The following CSMD1 variants were observed in gnomAD, a reference collection of about 807,000 sequenced individuals.
The protein encoded by CSMD1 is CUB and sushi domain-containing protein 1.
CSMD1 carries 213 observed loss-of-function variants against 417.5 expected under a neutral mutation model. The ratio of observed to expected loss-of-function variants is 0.51; its 90% confidence interval spans 0.46 to 0.57. CSMD1 has a LOEUF of 0.57. Ranked by LOEUF, CSMD1 falls within the 20% of genes least tolerant of loss-of-function variation. The pLI, the probability that CSMD1 is intolerant of heterozygous loss-of-function variation, is 0.00. For missense variants in CSMD1, 6,923 were observed against 4,529.7 expected, an observed-to-expected ratio of 1.53 and a Z score of -15.17; for synonymous variants, 2,862 against 1,736.8, an observed-to-expected ratio of 1.65 and a Z score of -16.11.
At chr8:4,934,217 C>T (rs1379750037) in intron 1 of CSMD1, among the ~76,000 whole-genome samples, 1 of 152,176 alleles carries the variant, frequency 6.6e-6, no homozygotes, top group Non-Finnish European at 1.5e-5. Context: ...GCTCCTCCAA[C>T]ATTTTTATCC....
At chr8:4,668,667 T>C (rs575141452) in intron 1 of CSMD1, among the ~76,000 whole-genome samples, 21 of 151,934 alleles carry the variant, frequency 1.4e-4, no homozygotes, top group African/African-American at 5.1e-4. Flanking sequence ...AGCCAGGATG[T>C]TCTCGATTTC....
rs1813817914 is a variant in CSMD1 at position 3,980,979 on chromosome 8, C to T, written c.818+16924G>A. ...AGAGTAGGGGCCCTGCTCACCTTTC[C>T]CCACCTTTGTACCCACACCCAGAGG... On this transcript the variant is annotated intron_variant, in intron 5 of 69. Coordinates refer to ENST00000635120, the MANE Select transcript of CSMD1 (RefSeq NM_033225.6). Among the ~76,000 whole-genome samples, 3 of 152,170 alleles carry T rather than the reference C, an allele frequency of 2.0e-5. No individual in the cohort carries two copies. The South Asian group carries it at 6.2e-4, about 32-fold the overall frequency.
intron 3 of CSMD1, among the ~76,000 whole-genome samples, chr8:4,217,855 G>A (rs539959983): frequency 6.6e-6 from 1 of 152,120 alleles, no homozygotes; most frequent in East Asian, 1.9e-4. Context: ...AATGTGAAAA[G>A]GTGAGCCAGA....
In CSMD1 at chr8:3,142,097, G is replaced by C. The variant is rs976459327; in HGVS notation, c.6241+368C>G. Reference sequence around the variant, plus strand: ...CAGGCGTGAGCCACCGCGCCCGGCCGCCAAATTATCTTTAAAAACTTGAAT... The same window carrying C: ...CAGGCGTGAGCCACCGCGCCCGGCCCCCAAATTATCTTTAAAAACTTGAAT... On this transcript the variant is annotated intron_variant, in intron 41 of 69. Transcript: ENST00000635120. 5.9e-5 allele frequency among the ~76,000 whole-genome samples: 9 copies of C among 152,036 alleles called. No individual in the cohort carries two copies. In the South Asian group the frequency reaches 1.9e-3, roughly 32 times the overall value.
At chr8:4,407,988 G>C (rs188484622) in intron 3 of CSMD1, among the ~76,000 whole-genome samples, 1 of 152,102 alleles carries the variant, frequency 6.6e-6, no homozygotes, top group Non-Finnish European at 1.5e-5. Flanking sequence ...AATCACAGGA[G>C]AAAACTGCAA....
At chr8:3,244,831 C>T (rs1418951503) in intron 26 of CSMD1, among the ~76,000 whole-genome samples, 1 of 152,220 alleles carries the variant, frequency 6.6e-6, no homozygotes, top group Non-Finnish European at 1.5e-5. Context: ...GATCCGTCTT[C>T]AGCAGGGACA....
intron 3 of CSMD1, among the ~76,000 whole-genome samples, chr8:4,041,154 C>T (rs976004505): frequency 1.2e-4 from 18 of 151,486 alleles, no homozygotes; most frequent in African/African-American, 2.2e-4. Flanking sequence ...GTAGCTGGGA[C>T]TACAGGCGCC....
chr8:4,874,268 T>A (rs1173191504), intron 1 of CSMD1, among the ~76,000 whole-genome samples: 1 of 152,126 alleles, frequency 6.6e-6, no homozygotes, highest in African/African-American at 2.4e-5. Context: ...GGATACTGCC[T>A]AAAATCGCAT....
At chr8:4,380,861 T>A (rs542719268) in intron 3 of CSMD1, among the ~76,000 whole-genome samples, 1 of 152,196 alleles carries the variant, frequency 6.6e-6, no homozygotes. Context: ...ATTTTATTAG[T>A]ATATTACTAT....
intron 5 of CSMD1, among the ~76,000 whole-genome samples, chr8:3,858,576 G>C (rs1021695597): frequency 6.6e-6 from 1 of 152,130 alleles, no homozygotes; most frequent in Non-Finnish European, 1.5e-5. Flanking sequence ...ACTTTCACGA[G>C]TAGTCTTAAA....
At chr8:3,504,646 C>A (rs1325185725) in intron 10 of CSMD1, among the ~76,000 whole-genome samples, 1 of 152,210 alleles carries the variant, frequency 6.6e-6, no homozygotes, top group Non-Finnish European at 1.5e-5. Flanking sequence ...TCTGCAATTT[C>A]TAACTCCAAT....
At chr8:4,841,208 G>T (rs1475412808) in intron 1 of CSMD1, among the ~76,000 whole-genome samples, 2 of 152,312 alleles carry the variant, frequency 1.3e-5, no homozygotes, top group Middle Eastern at 3.4e-3. Flanking sequence ...ACATTATGTT[G>T]ATATATCTAG....
At chr8:3,524,084 C>T in intron 10 of CSMD1, among the ~76,000 whole-genome samples, 1 of 151,528 alleles carries the variant, frequency 6.6e-6, no homozygotes, top group South Asian at 2.1e-4. Context: ...CACATGCACA[C>T]ACGCATGCAC....
At chr8:3,657,377 A>G (rs1798182108) in intron 7 of CSMD1, among the ~76,000 whole-genome samples, 1 of 152,210 alleles carries the variant, frequency 6.6e-6, no homozygotes, top group Non-Finnish European at 1.5e-5. Context: ...CAATGAAACT[A>G]TAAAACTGTA....
At chr8:4,827,628 T>C (rs1799912194) in intron 1 of CSMD1, among the ~76,000 whole-genome samples, 1 of 152,158 alleles carries the variant, frequency 6.6e-6, no homozygotes, top group Admixed American at 6.5e-5. Flanking sequence ...ATTGAATAGG[T>C]AAGTCTTTAG....
chr8:4,233,766 A>G (rs1234420788), intron 3 of CSMD1, among the ~76,000 whole-genome samples: 1 of 152,204 alleles, frequency 6.6e-6, no homozygotes, highest in Non-Finnish European at 1.5e-5. Flanking sequence ...GAAATGCACA[A>G]ATAATATCTG....
At chr8:3,188,072 ATATACATATGTATATG>A (rs1176769238) in intron 35 of CSMD1, 107 bp from the exon 36 acceptor site, 3 of 448,150 alleles carry the variant, frequency 6.7e-6, no homozygotes, top group Admixed American at 3.8e-5. Context: ...ATGTATATAT[ATATACATATGTATATG>A]TATATATATA....
chr8:3,631,460 G>C (rs985563803), intron 7 of CSMD1, among the ~76,000 whole-genome samples: 5 of 152,322 alleles, frequency 3.3e-5, no homozygotes, highest in Admixed American at 6.5e-5. Flanking sequence ...AGAATAGGCA[G>C]ATAAAACAAC....
chr8:3,437,250 C>G (rs1043072255), intron 12 of CSMD1, among the ~76,000 whole-genome samples: 1 of 152,172 alleles, frequency 6.6e-6, no homozygotes, highest in Non-Finnish European at 1.5e-5. Context: ...TCTAATACCA[C>G]CATTCACTGA....
Sources: allele counts gnomAD v4.1 joint callset (sites outside exome capture counted in the v4.1 genomes callset), GRCh38; gene constraint gnomAD v4.1.1; transcripts MANE v1.5; gene names NCBI Gene and HGNC (gene_info 2026-07-23, HGNC 2026-07-21).